RSRC1: variants seen among roughly 807,000 people sequenced by gnomAD.
RSRC1 encodes the protein arginine and serine rich coiled-coil 1, also known as serine/Arginine-related protein 53.
In RSRC1, 39 loss-of-function variants were observed where a neutral mutation model predicts 49.1. The observed-to-expected ratio is 0.79, with a 90% CI of 0.61 to 1.04. The LOEUF (loss-of-function observed/expected upper bound fraction) is 1.04, where lower values mean the gene tolerates loss of function less well. Among genes scored for constraint, RSRC1 ranks in the 50% least tolerant of loss-of-function variants. The pLI, the probability that RSRC1 is intolerant of heterozygous loss-of-function variation, is 0.00. For synonymous variants in RSRC1, 143 were observed against 130.8 expected, an observed-to-expected ratio of 1.09 and a Z score of -0.63; for missense variants, 388 against 402.4, an observed-to-expected ratio of 0.96 and a Z score of 0.31.
intron 4 of RSRC1, among the ~76,000 whole-genome samples, chr3:158,285,175 G>A (rs367805362): frequency 1.3e-5 from 2 of 152,034 alleles, no homozygotes; most frequent in African/African-American, 2.4e-5. Context: ...GCTTGTTTTT[G>A]TCAGGTTTGT....
chr3:158,383,174 T>C (rs1009643292), intron 6 of RSRC1, among the ~76,000 whole-genome samples: 4 of 152,134 alleles, frequency 2.6e-5, no homozygotes, highest in Non-Finnish European at 5.9e-5. Flanking sequence ...CTTAAGGACA[T>C]CGCTGTTTTA....
At chr3:158,132,967 G>A (rs1578117836) in intron 3 of RSRC1, among the ~76,000 whole-genome samples, 1 of 152,164 alleles carries the variant, frequency 6.6e-6, no homozygotes, top group South Asian at 2.1e-4. Flanking sequence ...TTTGAGATGA[G>A]TGTAGAGTTC....
chr3:158,334,587 T>C (rs1466865891), intron 5 of RSRC1, among the ~76,000 whole-genome samples: 1 of 151,662 alleles, frequency 6.6e-6, no homozygotes, highest in Non-Finnish European at 1.5e-5. Flanking sequence ...TTCAAGGGAT[T>C]CTCCTGCCTC....
At chr3:158,369,761 A>G (rs894966281) in intron 6 of RSRC1, among the ~76,000 whole-genome samples, 3 of 152,058 alleles carry the variant, frequency 2.0e-5, no homozygotes, top group African/African-American at 4.8e-5. Context: ...ACTTTGTTCT[A>G]TATTTGTAAA....
chr3:158,252,432 T>G (rs892590635), intron 4 of RSRC1, among the ~76,000 whole-genome samples: 1 of 152,226 alleles, frequency 6.6e-6, no homozygotes, highest in Non-Finnish European at 1.5e-5. Context: ...CCCAAAGTGC[T>G]GGGATTACAG....
chr3:158,118,452 T>TGC (rs1227836607), intron 1 of RSRC1, among the ~76,000 whole-genome samples: 1 of 137,370 alleles, frequency 7.3e-6, no homozygotes, highest in Non-Finnish European at 1.6e-5. Context: ...TGTGTGTGTG[T>TGC]GTGTGTGTGT....
intron 3 of RSRC1, among the ~76,000 whole-genome samples, chr3:158,124,716 T>A (rs1715503858): frequency 6.6e-6 from 1 of 152,172 alleles, no homozygotes; most frequent in African/African-American, 2.4e-5. Flanking sequence ...TTCTTAGTAG[T>A]CTTTTATAAT....
At chr3:158,196,073 A>G (rs1243487661) in intron 3 of RSRC1, among the ~76,000 whole-genome samples, 4 of 152,146 alleles carry the variant, frequency 2.6e-5, no homozygotes, top group Middle Eastern at 3.2e-3. Context: ...CATTGAATCT[A>G]TAAATTACCT....
In RSRC1 at chr3:158,257,702, T is replaced by G. The variant is rs1040361610; in HGVS notation, c.495-40337T>G. On this transcript the variant is annotated intron_variant, in intron 4 of 9. Coordinates refer to ENST00000611884, the MANE Select transcript of RSRC1 (RefSeq NM_001271838.2). The stretch of plus-strand genomic sequence containing the variant: ...TGTTATTTGTGTTCTAGGTGTTTTG[T>G]GTCCTCTCTTCCATCTTTTCTTCTT... Among the ~76,000 whole-genome samples the G allele has an allele frequency of 7.9e-5, 12 of 152,146 alleles. 1 individual carries two copies. The highest frequency in any genetic ancestry group is 2.9e-4 in the African/African-American group (12 of 41,442).
intron 3 of RSRC1, among the ~76,000 whole-genome samples, chr3:158,137,403 AATAT>A (rs10574936): frequency 3.3e-5 from 5 of 149,484 alleles, no homozygotes; most frequent in Admixed American, 6.7e-5. Context: ...GACCCAATTA[AATAT>A]ATATATATAT....
At chr3:158,255,421 T>C (rs1003492613) in intron 4 of RSRC1, among the ~76,000 whole-genome samples, 3 of 152,212 alleles carry the variant, frequency 2.0e-5, no homozygotes, top group African/African-American at 7.2e-5. Context: ...TCCATTGGTC[T>C]ATATCTCTGT....
At chr3:158,509,903 C>T (rs996304841) in intron 7 of RSRC1, among the ~76,000 whole-genome samples, 7 of 152,160 alleles carry the variant, frequency 4.6e-5, no homozygotes, top group African/African-American at 1.7e-4. Context: ...ATACCTCTCT[C>T]CTGGTACACA....
intron 7 of RSRC1, among the ~76,000 whole-genome samples, chr3:158,516,998 G>A (rs536146112): frequency 6.6e-6 from 1 of 152,124 alleles, no homozygotes; most frequent in Non-Finnish European, 1.5e-5. Flanking sequence ...CCACTGTCTG[G>A]CACTCCCTAG....
intron 4 of RSRC1, among the ~76,000 whole-genome samples, chr3:158,280,975 C>T (rs1726120281): frequency 6.6e-6 from 1 of 152,060 alleles, no homozygotes; most frequent in Non-Finnish European, 1.5e-5. Flanking sequence ...TAAGATTAGA[C>T]TGGCTGTTTT....
At chr3:158,448,456 A>G (rs1474947088) in intron 6 of RSRC1, among the ~76,000 whole-genome samples, 1 of 151,922 alleles carries the variant, frequency 6.6e-6, no homozygotes, top group Non-Finnish European at 1.5e-5. Flanking sequence ...AAAGATACAT[A>G]TAAGCAAAAG....
In RSRC1 at chr3:158,204,049, G is replaced by A. The variant is rs929238268; in HGVS notation, c.494+804G>A. ...TCTTTTGTCAGTCTTTCAGTGTCTT[G>A]TGTGAATATATTTATTGTAATACTT... On this transcript the variant is annotated intron_variant, in intron 4 of 9. Transcript: ENST00000611884. 3.0e-4 allele frequency among the ~76,000 whole-genome samples: 46 copies of A among 152,106 alleles called. 1 individual carries two copies. The East Asian group carries it at 8.3e-3, about 28-fold the overall frequency.
intron 6 of RSRC1, among the ~76,000 whole-genome samples, chr3:158,397,925 T>C (rs1445568362): frequency 6.6e-6 from 1 of 151,946 alleles, no homozygotes; most frequent in African/African-American, 2.4e-5. Flanking sequence ...TTAGAGAGGG[T>C]GGGAAGCTCA....
chr3:158,414,836 A>G (rs1034287151), intron 6 of RSRC1, among the ~76,000 whole-genome samples: 2 of 152,180 alleles, frequency 1.3e-5, no homozygotes, highest in Non-Finnish European at 2.9e-5. Flanking sequence ...TTCAAGAAAA[A>G]AAATCTTTTT....
intron 4 of RSRC1, among the ~76,000 whole-genome samples, chr3:158,287,519 C>A (rs906840199): frequency 5.3e-5 from 8 of 151,764 alleles, no homozygotes; most frequent in Non-Finnish European, 1.2e-4. Context: ...TTTCTTATAC[C>A]CCAGTTTTAT....
Sources: gnomAD v4.1 joint callset for allele counts (sites outside exome capture counted in the v4.1 genomes callset) on GRCh38, gnomAD v4.1.1 for gene constraint, MANE v1.5 for transcripts, NCBI Gene and HGNC (gene_info 2026-07-23, HGNC 2026-07-21) for gene names.